Variants in LHCGR observed in about 807,000 individuals in gnomAD.
The protein encoded by LHCGR is luteinizing hormone/choriogonadotropin receptor.
A neutral mutation model predicts 60.7 loss-of-function variants in LHCGR; 55 were observed. The observed-to-expected ratio is 0.91, with a 90% confidence interval of 0.73 to 1.13. The LOEUF is 1.13. Among genes scored for constraint, LHCGR ranks in the 50% most tolerant of loss-of-function variants. The pLI, the probability that LHCGR is intolerant of heterozygous loss-of-function variation, is 0.00. For synonymous variants in LHCGR, 337 were observed against 316.5 expected (o/e 1.06, Z -0.69); for missense variants, 862 against 836.0 (o/e 1.03, Z -0.38).
intron 1 of LHCGR, among the ~76,000 whole-genome samples, chr2:48,753,590 C>T (rs1472890457): frequency 2.0e-5 from 3 of 152,112 alleles, no homozygotes; most frequent in African/African-American, 7.2e-5. Context: ...TTCTTGAAAC[C>T]CTGCTGAAAG....
intron 1 of LHCGR, among the ~76,000 whole-genome samples, chr2:48,741,763 C>G (rs184059857): frequency 1.3e-5 from 2 of 151,598 alleles, no homozygotes; most frequent in Non-Finnish European, 2.9e-5. Flanking sequence ...ACCATCGAGA[C>G]TAGGAAGAAA....
At chr2:48,747,255 A>AT (rs2103721071) in intron 1 of LHCGR, among the ~76,000 whole-genome samples, 2 of 152,002 alleles carry the variant, frequency 1.3e-5, no homozygotes, top group South Asian at 4.2e-4. Context: ...TGCCTGGCTA[A>AT]TTTTTTGGTA....
At chr2:48,750,554 C>A (rs1278984331) in intron 1 of LHCGR, among the ~76,000 whole-genome samples, 1 of 152,188 alleles carries the variant, frequency 6.6e-6, no homozygotes, top group Non-Finnish European at 1.5e-5. Flanking sequence ...ATAGCATTTT[C>A]TCACTTCCCC....
intron 1 of LHCGR, among the ~76,000 whole-genome samples, chr2:48,741,278 T>G (rs191528331): frequency 1.3e-5 from 2 of 152,318 alleles, no homozygotes; most frequent in African/African-American, 4.8e-5. Context: ...CAGGTTATTA[T>G]CCAGGAGAAC....
At chr2:48,733,373 C>A (rs1192630933) in intron 1 of LHCGR, among the ~76,000 whole-genome samples, 1 of 152,086 alleles carries the variant, frequency 6.6e-6, no homozygotes, top group Non-Finnish European at 1.5e-5. Context: ...GTTGCCTGAG[C>A]TTTTGATTGA....
chr2:48,752,401 G>A (rs1354894576), intron 1 of LHCGR, among the ~76,000 whole-genome samples: 2 of 152,190 alleles, frequency 1.3e-5, no homozygotes, highest in African/African-American at 4.8e-5. Flanking sequence ...GTGCTCTGCA[G>A]TACTTGCCTC....
rs557300624 is a variant in LHCGR at position 48,709,778 on chromosome 2, ATCTGG to A, written c.606-761_606-757del. On this transcript the variant is annotated intron_variant, in intron 7 of 10. Coordinates refer to ENST00000294954, the MANE Select transcript of LHCGR (RefSeq NM_000233.4). ...GGCTAAACTCCTTAGGAGCAGCACA[ATCTGG>A]TCCTCCTAGGCAGCCTCCTTTCTGG... Among the ~76,000 whole-genome samples, 179 of 152,330 alleles carry A rather than the reference ATCTGG, an allele frequency of 1.2e-3. 7 individuals carry two copies. In the South Asian group the frequency reaches 0.036, roughly 31 times the overall value.
At chr2:48,714,997 A>G (rs1668179928) in intron 6 of LHCGR, among the ~76,000 whole-genome samples, 1 of 152,102 alleles carries the variant, frequency 6.6e-6, no homozygotes, top group Admixed American at 6.5e-5. Flanking sequence ...AATTTTGCTG[A>G]TTCTTTTTAC....
intron 1 of LHCGR, among the ~76,000 whole-genome samples, chr2:48,749,747 A>AAAC (rs1669871585): frequency 6.6e-6 from 1 of 150,576 alleles, no homozygotes; most frequent in Non-Finnish European, 1.5e-5. Flanking sequence ...AAGAAGAAAA[A>AAAC]CCCAAGGAAT....
intron 9 of LHCGR, among the ~76,000 whole-genome samples, chr2:48,694,704 T>A (rs1372486132): frequency 3.3e-5 from 5 of 152,170 alleles, no homozygotes; most frequent in African/African-American, 1.2e-4. Context: ...GAATTGTAAC[T>A]GGGCATCTTT....
chr2:48,721,002 T>C (rs1668471553), intron 6 of LHCGR: 1 of 152,316 alleles, frequency 6.6e-6, no homozygotes, highest in South Asian at 2.1e-4. Context: ...AGCTCTACCA[T>C]AAAGCCTCTC....
intron 8 of LHCGR, among the ~76,000 whole-genome samples, chr2:48,707,487 T>A (rs1169146725): frequency 6.6e-6 from 1 of 152,244 alleles, no homozygotes; most frequent in Non-Finnish European, 1.5e-5. Flanking sequence ...GCAGAAGTTG[T>A]GCCCACAGCT....
intron 6 of LHCGR, among the ~76,000 whole-genome samples, chr2:48,719,138 C>T (rs1668390476): frequency 6.6e-6 from 1 of 152,084 alleles, no homozygotes; most frequent in Non-Finnish European, 1.5e-5. Flanking sequence ...CTGGCTAACA[C>T]AGTGAAACTC....
At chr2:48,718,423 T>C (rs569077388) in intron 6 of LHCGR, among the ~76,000 whole-genome samples, 1 of 152,314 alleles carries the variant, frequency 6.6e-6, no homozygotes, top group South Asian at 2.1e-4. Flanking sequence ...ATTCTAATAT[T>C]AACAGTATTA....
chr2:48,741,261 C>G (rs1181094360), intron 1 of LHCGR, among the ~76,000 whole-genome samples: 1 of 152,214 alleles, frequency 6.6e-6, no homozygotes, highest in African/African-American at 2.4e-5. Flanking sequence ...AGTTGGAAAA[C>G]ACTCTGCAGG....
chr2:48,725,957 C>G (rs1668700152), intron 3 of LHCGR, among the ~76,000 whole-genome samples: 1 of 152,114 alleles, frequency 6.6e-6, no homozygotes, highest in Non-Finnish European at 1.5e-5. Context: ...AAGCACTGCT[C>G]TCAAGCTTCT....
intron 1 of LHCGR, among the ~76,000 whole-genome samples, chr2:48,734,047 G>A (rs977472874): frequency 9.2e-5 from 14 of 152,148 alleles, no homozygotes; most frequent in Middle Eastern, 3.2e-3. Flanking sequence ...GATACTTAAA[G>A]GAATCTTGTA....
At chr2:48,732,418 G>A (rs983560107) in intron 1 of LHCGR, among the ~76,000 whole-genome samples, 2 of 152,192 alleles carry the variant, frequency 1.3e-5, no homozygotes, top group Admixed American at 1.3e-4. Flanking sequence ...ATGAAAGTAA[G>A]ATTTCTTACA....
intron 8 of LHCGR, among the ~76,000 whole-genome samples, chr2:48,702,141 T>C (rs1667440237): frequency 6.6e-6 from 1 of 152,166 alleles, no homozygotes; most frequent in African/African-American, 2.4e-5. Flanking sequence ...TGGAACTCTG[T>C]TGCATTTCTC....
Sources: gnomAD v4.1 joint callset for allele counts (sites outside exome capture counted in the v4.1 genomes callset) on GRCh38, gnomAD v4.1.1 for gene constraint, MANE v1.5 for transcripts, NCBI Gene and HGNC (gene_info 2026-07-23, HGNC 2026-07-21) for gene names.